Variants in ZDHHC21 observed in about 807,000 individuals in gnomAD.
ZDHHC21 encodes palmitoyltransferase ZDHHC21.
A neutral mutation model predicts 34.6 loss-of-function variants in ZDHHC21; 15 were observed. The observed-to-expected ratio is 0.43, with a 90% CI of 0.29 to 0.67. ZDHHC21 has a LOEUF of 0.67. Among genes scored for constraint, ZDHHC21 ranks in the 30% least tolerant of loss-of-function variants. The pLI, the probability that ZDHHC21 is intolerant of heterozygous loss-of-function variation, is 0.14. For synonymous variants in ZDHHC21, 142 were observed against 101.8 expected, an observed-to-expected ratio of 1.40 and a Z score of -2.38; for missense variants, 344 against 327.7, an observed-to-expected ratio of 1.05 and a Z score of -0.38.
At chr9:14,663,835 C>G (rs967753858) in intron 5 of ZDHHC21, among the ~76,000 whole-genome samples, 4 of 152,078 alleles carry the variant, frequency 2.6e-5, no homozygotes, top group African/African-American at 7.2e-5. Flanking sequence ...AGCAACAGTA[C>G]TAAAGCTTAA....
Position 14,618,703 on chromosome 9 carries a change from G to C in ZDHHC21, c.*263C>G, listed in dbSNP as rs1201504468. The stretch of plus-strand genomic sequence containing the variant: ...TATTTCATCCTAATCACTGCCTTTT[G>C]AGTTTAATAACAAAAGCATTTCAAG... On this transcript the variant is annotated 3_prime_UTR_variant, in exon 10 of 10. Transcript: ENST00000380916. 3.3e-6 allele frequency: 1 copy of C among 307,536 alleles called. No homozygotes were observed. The highest frequency in any genetic ancestry group is 5.0e-5 in the Admixed American group (1 of 19,866). The allele number at this position is 307,536 out of a possible 1,614,324, so 19.1% of individuals were successfully genotyped here.
intron 8 of ZDHHC21, among the ~76,000 whole-genome samples, chr9:14,636,055 A>G (rs1482513045): frequency 6.6e-6 from 1 of 152,206 alleles, no homozygotes; most frequent in African/African-American, 2.4e-5. Flanking sequence ...TAAGCCTCAC[A>G]TATCAATAAT....
intron 1 of ZDHHC21, among the ~76,000 whole-genome samples, chr9:14,692,818 G>A (rs927694320): frequency 7.0e-6 from 1 of 143,020 alleles, no homozygotes; most frequent in Non-Finnish European, 1.6e-5. Context: ...GAGAAACCCG[G>A]GATCCCAGTG....
At chr9:14,608,654 A>C (rs976616412), downstream of ZDHHC21, among the ~76,000 whole-genome samples, 1 of 151,828 alleles carries the variant, frequency 6.6e-6, no homozygotes, top group Admixed American at 6.6e-5. Context: ...AAGTTAGCTT[A>C]GATGTATTTT....
At position 14,613,850 on chromosome 9, in the gene ZDHHC21, T is replaced by G. The variant is rs138320178; in HGVS notation, c.*5116A>C. 1 of 151,930 alleles carries G rather than the reference T, an allele frequency of 6.6e-6. No homozygotes were observed. The highest frequency in any genetic ancestry group is 1.5e-5 in the Non-Finnish European group (1 of 67,772). 9.4% of individuals were successfully genotyped at this position (151,930 alleles called of 1,614,324 possible). A position where few individuals can be genotyped will look rare whatever the true frequency, so the allele number is the denominator to read the frequency against. On this transcript the variant is annotated 3_prime_UTR_variant, in exon 10 of 10. Coordinates refer to ENST00000380916, the MANE Select transcript of ZDHHC21 (RefSeq NM_178566.6). ...CAGTTTTTTCAAACTTTGGTCAACC[T>G]ATTCATTTCTCCTCTGCATTAAATA...
Position 14,639,892 on chromosome 9 carries a change from T to G in ZDHHC21, c.621+4A>C, listed in dbSNP as rs1829021316. 6.7e-7 allele frequency: 1 copy of G among 1,487,834 alleles called. No homozygotes were observed. Among genetic ancestry groups the G allele is most frequent in the Non-Finnish European group, 9.2e-7 (1 of 1,086,832 alleles). 92.2% of individuals were successfully genotyped at this position (1,487,834 alleles called of 1,614,324 possible). On this transcript the variant is annotated splice_donor_region_variant and intron_variant, in intron 8 of 9. Coordinates refer to ENST00000380916, the MANE Select transcript of ZDHHC21 (RefSeq NM_178566.6). ...ATGTTACTTTACATTAAAAATATAC[T>G]TACTGTGATGATGCCAATTAGTTGA... is the stretch of plus-strand genomic sequence containing the variant.
intron 8 of ZDHHC21, among the ~76,000 whole-genome samples, chr9:14,638,816 T>A (rs1271495185): frequency 2.0e-5 from 3 of 151,728 alleles, no homozygotes; most frequent in African/African-American, 7.3e-5. Context: ...CAATAACATA[T>A]CATCTTAGAA....
the ZDHHC21 span, among the ~76,000 whole-genome samples, chr9:14,605,861 C>A: frequency 6.6e-6 from 1 of 152,038 alleles, no homozygotes; most frequent in Non-Finnish European, 1.5e-5. Context: ...TAGTTTCTCA[C>A]TATACAATAT....
At chr9:14,663,720 A>T (rs1382489339) in intron 5 of ZDHHC21, among the ~76,000 whole-genome samples, 1 of 152,152 alleles carries the variant, frequency 6.6e-6, no homozygotes, top group Non-Finnish European at 1.5e-5. Context: ...AATTGTTCCA[A>T]TAATATGAAA....
At chr9:14,686,881 G>A (rs1050371540) in intron 2 of ZDHHC21, among the ~76,000 whole-genome samples, 43 of 149,998 alleles carry the variant, frequency 2.9e-4, no homozygotes, top group Non-Finnish European at 1.2e-4. Flanking sequence ...GTTAAGGCAC[G>A]AGAATCGTTT....
the ZDHHC21 span, among the ~76,000 whole-genome samples, chr9:14,592,051 T>C: frequency 1.3e-5 from 2 of 152,134 alleles, no homozygotes; most frequent in African/African-American, 4.8e-5. Context: ...CAAAGTATTA[T>C]TGGTACAATT....
At chr9:14,625,605 T>A (rs1826068552) in intron 8 of ZDHHC21, among the ~76,000 whole-genome samples, 1 of 151,968 alleles carries the variant, frequency 6.6e-6, no homozygotes, top group South Asian at 2.1e-4. Flanking sequence ...TTATAACTCC[T>A]CAATAAATGG....
Position 14,634,715 on chromosome 9 carries a change from A to C in ZDHHC21, c.621+5181T>G, listed in dbSNP as rs10115629. ...GGAAAAAGTCCTCTCCCACAAAAGC[A>C]AATTCAAAAAATTGGAAAAAACATC... On this transcript the variant is annotated intron_variant, in intron 8 of 9. Transcript: ENST00000380916. 4.5e-3 allele frequency among the ~76,000 whole-genome samples: 678 copies of C among 152,270 alleles called. 8 individuals carry two copies. Among genetic ancestry groups the C allele is most frequent in the African/African-American group, 0.015 (642 of 41,562 alleles).
chr9:14,692,429 G>A (rs1037481587), intron 1 of ZDHHC21, among the ~76,000 whole-genome samples: 2 of 151,882 alleles, frequency 1.3e-5, no homozygotes, highest in African/African-American at 4.8e-5. Flanking sequence ...TTTATGACCC[G>A]CCCACAATGA....
chr9:14,609,483 G>C (rs10961616), downstream of ZDHHC21, among the ~76,000 whole-genome samples: 16,268 of 152,028 alleles, frequency 0.11, 1,238 homozygotes, highest in East Asian at 0.32. Context: ...ACAGTATGTG[G>C]TTGCCAATAA....
chr9:14,668,472 G>T (rs1485231258), intron 5 of ZDHHC21, among the ~76,000 whole-genome samples: 1 of 70,486 alleles, frequency 1.4e-5, no homozygotes, highest in Non-Finnish European at 2.7e-5. Flanking sequence ...AGCTACCAAT[G>T]ACTTTCTTCA....
chr9:14,678,696 T>C (rs902001044), intron 3 of ZDHHC21, among the ~76,000 whole-genome samples: 3 of 152,110 alleles, frequency 2.0e-5, no homozygotes, highest in Admixed American at 6.6e-5. Context: ...TGAGACTGTA[T>C]ATATACAGAC....
intron 8 of ZDHHC21, among the ~76,000 whole-genome samples, chr9:14,629,755 G>A (rs932899255): frequency 6.6e-6 from 1 of 152,022 alleles, no homozygotes; most frequent in Admixed American, 6.5e-5. Flanking sequence ...TGGGGTGGCT[G>A]TCAAAATTAA....
chr9:14,660,854 A>G (rs918863283), intron 6 of ZDHHC21, among the ~76,000 whole-genome samples: 1 of 152,150 alleles, frequency 6.6e-6, no homozygotes, highest in Non-Finnish European at 1.5e-5. Flanking sequence ...CATCATGAAC[A>G]TTTGTATTTT....
Sources: allele counts gnomAD v4.1 joint callset (sites outside exome capture counted in the v4.1 genomes callset), GRCh38; gene constraint gnomAD v4.1.1; transcripts MANE v1.5; gene names NCBI Gene and HGNC (gene_info 2026-07-23, HGNC 2026-07-21).